ARHGAP32: variants seen among roughly 807,000 people sequenced by gnomAD.
ARHGAP32 encodes rho GTPase-activating protein 32.
A neutral mutation model predicts 186.5 loss-of-function variants in ARHGAP32; 51 were observed. The observed-to-expected ratio is 0.27, with a 90% CI of 0.22 to 0.35. The LOEUF is 0.35. ARHGAP32 is among the 10% of genes least tolerant of loss of function. The probability of loss-of-function intolerance (pLI) is 1.00; values close to 1 mark genes in which losing one functional copy is unlikely to be tolerated. For missense variants in ARHGAP32, 2,186 were observed against 2,623.5 expected (o/e 0.83, Z 3.64); for synonymous variants, 950 against 964.3 (o/e 0.99, Z 0.27).
At chr11:129,089,696 G>A (rs879709375) in intron 6 of ARHGAP32, among the ~76,000 whole-genome samples, 3 of 152,146 alleles carry the variant, frequency 2.0e-5, no homozygotes, top group African/African-American at 4.8e-5. Context: ...TTTCAACCAC[G>A]ATACTAACAA....
At position 128,970,071 on chromosome 11, in the gene ARHGAP32, G is replaced by A. The variant is rs1945318559; in HGVS notation, c.5142C>T (p.Ser1714=). ...AFYNPRLQGK[S]LYSYAGLAPR... ...GAGCCAAACCAGCATAACTGTACAA[G>A]CTCTTTCCTTGCAGCCTAGGATTGT... The change falls in exon 23 of 23, where the codon AGC becomes AGT. Residue 1714 remains serine, a synonymous_variant. Coordinates refer to ENST00000682385, the MANE Select transcript of ARHGAP32 (RefSeq NM_001378024.1). This position sits in a 1 kb window ranked among gnomAD's most constrained non-coding sequence, Gnocchi z 5.8. 1 of 1,614,176 alleles carries A rather than the reference G, an allele frequency of 6.2e-7. No homozygotes were observed. The highest frequency in any genetic ancestry group is 8.5e-7 in the Non-Finnish European group (1 of 1,180,038).
At chr11:129,141,985 A>G (rs752434455) in intron 2 of ARHGAP32, among the ~76,000 whole-genome samples, 1 of 152,202 alleles carries the variant, frequency 6.6e-6, no homozygotes, top group Non-Finnish European at 1.5e-5. Context: ...GATAATCTAT[A>G]TAACTACAAT....
chr11:128,982,474 C>CGTGCGT (rs1555062284), intron 15 of ARHGAP32, among the ~76,000 whole-genome samples: 2 of 147,362 alleles, frequency 1.4e-5, no homozygotes, highest in African/African-American at 5.0e-5. Flanking sequence ...AGGTAAGTGC[C>CGTGCGT]GTGTGTGTGT....
chr11:128,970,214 A>G lies in ARHGAP32; in HGVS notation c.4999T>C (p.Tyr1667His). 6.2e-7 allele frequency: 1 copy of G among 1,614,220 alleles called. No homozygotes were observed. ...TAATAGGAACTAGAAGAACTGGAATATGGGCTATACCTGTAGTGGACCCGG... is the reference window on the plus strand; with the variant it reads ...TAATAGGAACTAGAAGAACTGGAATGTGGGCTATACCTGTAGTGGACCCGG... ...NGRVHYRYSP[Y>H]SSSSSSYYSP... is the part of the protein sequence containing the mutation. The change falls in exon 23 of 23, where the codon TAT becomes CAT. Residue 1667 changes from tyrosine to histidine, a missense_variant. By Grantham distance (83) the Tyr-to-His change is moderately conservative (BLOSUM62 2). Around this residue, in one of 5 missense-constraint regions of ARHGAP32, gnomAD observed 1,502 missense variants for 1,570.0 expected, o/e 0.96. Coordinates refer to ENST00000682385, the MANE Select transcript of ARHGAP32 (RefSeq NM_001378024.1). The surrounding 1 kb of genome is among the most constrained non-coding windows in gnomAD (Gnocchi z 5.8).
chr11:129,107,712 T>C (rs779261033), intron 5 of ARHGAP32, among the ~76,000 whole-genome samples: 12 of 151,880 alleles, frequency 7.9e-5, no homozygotes, highest in Non-Finnish European at 1.3e-4. Flanking sequence ...CTACTAAAAA[T>C]ACAAAATTAG....
At chr11:128,986,865 T>A (rs1282840442) in intron 13 of ARHGAP32, among the ~76,000 whole-genome samples, 197 bp from the exon 14 acceptor site, 2 of 152,246 alleles carry the variant, frequency 1.3e-5, no homozygotes, top group Non-Finnish European at 2.9e-5. Flanking sequence ...GATAGATGTC[T>A]TTCTATGTGG....
Position 128,986,620 on chromosome 11 carries a change from A to G in ARHGAP32, c.1347T>C (p.Tyr449=). The change falls in exon 14 of 23, where the codon TAT becomes TAC. Residue 449 remains tyrosine, a synonymous_variant. Coordinates refer to ENST00000682385, the MANE Select transcript of ARHGAP32 (RefSeq NM_001378024.1). The part of the protein sequence containing the change: ...EHVPDLTKEP[Y]VQDIHSVGSL... ...AACCCACAGAATGGATGTCCTGAAC[A>G]TACGGTTCTTTCGTCAGGTCGGGGA... is the stretch of plus-strand genomic sequence containing the variant. 4.3e-6 allele frequency: 7 copies of G among 1,614,144 alleles called. No homozygotes were observed. The highest frequency in any genetic ancestry group is 3.3e-5 in the South Asian group (3 of 91,080).
intron 1 of ARHGAP32, among the ~76,000 whole-genome samples, chr11:129,266,823 C>T (rs559696798): frequency 2.6e-5 from 4 of 152,274 alleles, no homozygotes; most frequent in South Asian, 4.1e-4. Context: ...CTGCAGCCTA[C>T]GTGCCCCAGC....
At chr11:129,191,350 C>T (rs960849440) in intron 1 of ARHGAP32, among the ~76,000 whole-genome samples, 7 of 122,378 alleles carry the variant, frequency 5.7e-5, no homozygotes, top group African/African-American at 1.8e-4. Context: ...CAGAATAAAG[C>T]CCCCTAAAAT....
intron 1 of ARHGAP32, among the ~76,000 whole-genome samples, chr11:129,247,052 TGA>T (rs1047130944): frequency 4.6e-5 from 7 of 152,168 alleles, no homozygotes; most frequent in African/African-American, 1.7e-4. Context: ...GTAAATACAC[TGA>T]CATAGTAGCA....
chr11:129,098,425 C>CT lies in ARHGAP32; in HGVS notation c.445-4719dup, dbSNP rs530331028. 2.5e-3 allele frequency among the ~76,000 whole-genome samples: 363 copies of CT among 145,664 alleles called. 1 individual carries two copies. The highest frequency in any genetic ancestry group is 0.02 in the South Asian group (94 of 4,602). On this transcript the variant is annotated intron_variant, in intron 5 of 22. Coordinates refer to ENST00000682385, the MANE Select transcript of ARHGAP32 (RefSeq NM_001378024.1). Reference sequence around the variant, plus strand: ...TTATTTATTTTTCTTTTTCTTTTTTCTTTTTTTTTTTGAGACGGAGTCTTG... The same window carrying CT: ...TTATTTATTTTTCTTTTTCTTTTTTCTTTTTTTTTTTTGAGACGGAGTCTTG...
chr11:129,047,509 C>A (rs1209435132), intron 10 of ARHGAP32, among the ~76,000 whole-genome samples: 1 of 151,962 alleles, frequency 6.6e-6, no homozygotes, highest in East Asian at 1.9e-4. Context: ...TGTTTTAAAT[C>A]AGTACCCTTT....
In ARHGAP32 at chr11:128,972,537, C is replaced by T. The variant is rs1340237624; in HGVS notation, c.3969G>A (p.Pro1323=). 6 of 1,563,484 alleles carry T rather than the reference C, an allele frequency of 3.8e-6. No individual in the cohort carries two copies. The highest frequency in any genetic ancestry group is 1.8e-5 in the Admixed American group (1 of 55,700). The change falls in exon 22 of 23, where the codon CCG becomes CCA. Residue 1323 remains proline, a synonymous_variant. Coordinates refer to ENST00000682385, the MANE Select transcript of ARHGAP32 (RefSeq NM_001378024.1). ...GCTGCTCTGCAGATCTCTGGGAAGG[C>T]GGAGGGGGAAGGGGACGATTAGTTC... is the stretch of plus-strand genomic sequence containing the variant. ...THRTNRPLPP[P]PSQRSAEQPP...
At chr11:129,184,681 T>G (rs1944123133) in intron 1 of ARHGAP32, among the ~76,000 whole-genome samples, 1 of 152,016 alleles carries the variant, frequency 6.6e-6, no homozygotes, top group Non-Finnish European at 1.5e-5. Context: ...CTCTGTAGAC[T>G]GAAAGTCACT....
intron 1 of ARHGAP32, among the ~76,000 whole-genome samples, chr11:129,233,533 C>T (rs1944886250): frequency 6.6e-6 from 1 of 151,860 alleles, no homozygotes; most frequent in Non-Finnish European, 1.5e-5. Context: ...AACCCAGCAA[C>T]TCACTTTTCG....
intron 1 of ARHGAP32, among the ~76,000 whole-genome samples, chr11:129,240,973 G>A (rs1431417612): frequency 1.3e-5 from 2 of 152,204 alleles, no homozygotes; most frequent in African/African-American, 2.4e-5. Context: ...CCGTGGTTAA[G>A]AATATGGACT....
intron 1 of ARHGAP32, among the ~76,000 whole-genome samples, chr11:129,236,534 T>G (rs1466301806): frequency 1.3e-5 from 2 of 152,166 alleles, no homozygotes; most frequent in Non-Finnish European, 2.9e-5. Context: ...TGTTTGCTGA[T>G]TATTTCTTTT....
At chr11:129,107,550 A>C (rs7109289) in intron 5 of ARHGAP32, among the ~76,000 whole-genome samples, 3,961 of 152,304 alleles carry the variant, frequency 0.026, 96 homozygotes, top group African/African-American at 0.064. Context: ...CAATGACTTA[A>C]TGATGGCGAT....
Position 129,108,942 on chromosome 11 carries a change from G to T in ARHGAP32, c.444+14504C>A, listed in dbSNP as rs74873356. Among the ~76,000 whole-genome samples, 240 of 151,976 alleles carry T rather than the reference G, an allele frequency of 1.6e-3. 9 individuals carry two copies. The East Asian group carries it at 0.044, about 28-fold the overall frequency. The stretch of plus-strand genomic sequence containing the variant: ...GGAAACATTTCAAGATCTCTCTTTC[G>T]GCTACTTTGAAATACACATACATGG... On this transcript the variant is annotated intron_variant, in intron 5 of 22. Coordinates refer to ENST00000682385, the MANE Select transcript of ARHGAP32 (RefSeq NM_001378024.1).
Sources: gnomAD v4.1 joint callset for allele counts (sites outside exome capture counted in the v4.1 genomes callset) on GRCh38, gnomAD v4.1.1 for gene constraint, gnomAD v4.1.1 regional missense constraint, Gnocchi (gnomAD v3.1) non-coding constraint, MANE v1.5 for transcripts, NCBI Gene and HGNC (gene_info 2026-07-23, HGNC 2026-07-21) for gene names.